Variants in GPC3 observed in about 807,000 individuals in gnomAD.
GPC3 encodes glypican 3.
Under a neutral mutation model 34.4 loss-of-function variants are expected in GPC3, and 3 were observed. That is an observed-to-expected ratio of 0.09 (90% CI 0.04 to 0.23). The LOEUF (loss-of-function observed/expected upper bound fraction) is 0.23, where lower values mean the gene tolerates loss of function less well. GPC3 is among the 10% of genes least tolerant of loss of function. GPC3 has a pLI of 1.00. For missense variants in GPC3, 351 were observed against 445.6 expected, an observed-to-expected ratio of 0.79 and a Z score of 1.91; for synonymous variants, 177 against 174.0, an observed-to-expected ratio of 1.02 and a Z score of -0.13.
At chrX:133,609,135 G>C (rs1377360147) in intron 6 of GPC3, among the ~76,000 whole-genome samples, 1 of 112,099 alleles carries the variant, frequency 8.9e-6, no homozygotes, top group African/African-American at 3.2e-5. Flanking sequence ...AAATGCTCAG[G>C]TCATTCTTTT....
In GPC3 at chrX:133,910,961, G is replaced by A. The variant is rs750116020; in HGVS notation, c.337+42089C>T. Among the ~76,000 whole-genome samples, 9 of 111,494 alleles carry A rather than the reference G, an allele frequency of 8.1e-5. No homozygotes were observed. The South Asian group carries it at 1.5e-3, about 19-fold the overall frequency. On this transcript the variant is annotated intron_variant, in intron 2 of 7. Transcript: ENST00000370818. ...TCCAGATGGAGTGATGCTTCCAAGC[G>A]ACCCTGTGTTCAACCTCACCTCCTC...
chrX:133,740,530 T>C, intron 3 of GPC3, among the ~76,000 whole-genome samples: 1 of 112,492 alleles, frequency 8.9e-6, no homozygotes, highest in Middle Eastern at 4.6e-3. Context: ...TCACAATTTT[T>C]TAAAAAAATA....
rs143150533 is a variant in GPC3 at position 133,634,761 on chromosome X, G to T, written c.1413+26969C>A. Reference sequence around the variant, plus strand: ...TGTTCCAAATTGGGTTGGGGTGATGGTTGCACAATTGTATAAATTCAGGAA... The same window carrying T: ...TGTTCCAAATTGGGTTGGGGTGATGTTTGCACAATTGTATAAATTCAGGAA... On this transcript the variant is annotated intron_variant, in intron 6 of 7. Coordinates refer to ENST00000370818, the MANE Select transcript of GPC3 (RefSeq NM_004484.4). Among the ~76,000 whole-genome samples the T allele has an allele frequency of 8.8e-3, 980 of 111,945 alleles. 14 individuals carry two copies. The highest frequency in any genetic ancestry group is 0.029 in the African/African-American group (889 of 30,806).
Position 133,962,840 on chromosome X carries a change from C to T in GPC3, c.176-9629G>A, listed in dbSNP as rs532329720. On this transcript the variant is annotated intron_variant, in intron 1 of 7. Coordinates refer to ENST00000370818, the MANE Select transcript of GPC3 (RefSeq NM_004484.4). Reference sequence around the variant, plus strand: ...GCCCAATCTAAGTGCTAGGTCCCTCCCCAACATGTATGAAATCACATCAGA... The same window carrying T: ...GCCCAATCTAAGTGCTAGGTCCCTCTCCAACATGTATGAAATCACATCAGA... Among the ~76,000 whole-genome samples the T allele has an allele frequency of 4.5e-5, 5 of 111,922 alleles. No homozygotes were observed. The South Asian group carries it at 1.9e-3, about 43-fold the overall frequency.
Position 133,753,668 on chromosome X carries a change from C to T in GPC3, c.846G>A (p.Met282Ile). 8.3e-7 allele frequency: 1 copy of T among 1,211,480 alleles called. No individual in the cohort carries two copies. Among genetic ancestry groups the T allele is most frequent in the Non-Finnish European group, 1.1e-6 (1 of 895,006 alleles). Residue 282 changes from methionine (M) to isoleucine (I), a missense_variant, in exon 3 of 8, where the codon ATG becomes ATA. Coordinates refer to ENST00000370818, the MANE Select transcript of GPC3 (RefSeq NM_004484.4). ...KPCGGYCNVV[M>I]QGCMAGVVEI... is the part of the protein sequence containing the mutation. ...CCACCACACCTGCCATACAGCCTTGCATGACCACATTGCAGTAACCGCCAC... is the reference window on the plus strand; with the variant it reads ...CCACCACACCTGCCATACAGCCTTGTATGACCACATTGCAGTAACCGCCAC...
chrX:133,661,061 C>T (rs1346481477), intron 6 of GPC3, among the ~76,000 whole-genome samples: 2 of 110,000 alleles, frequency 1.8e-5, no homozygotes, highest in African/African-American at 3.3e-5. Flanking sequence ...ACCAGCTACT[C>T]GGGAGGCTGA....
chrX:133,848,166 G>A (rs1241378342), intron 2 of GPC3, among the ~76,000 whole-genome samples: 1 of 111,965 alleles, frequency 8.9e-6, no homozygotes, highest in Non-Finnish European at 1.9e-5. Context: ...TTACAGCCAA[G>A]AATTCAAAAT....
Position 133,753,930 on chromosome X carries a change from T to C in GPC3, c.584A>G (p.Asn195Ser), listed in dbSNP as rs745317547. Residue 195 changes from asparagine to serine, a missense_variant, in exon 3 of 8, where the codon AAT becomes AGT. Transcript: ENST00000370818. Reference protein sequence around the residue: ...PGLPDSALDINECLRGARRDL... With the variant: ...PGLPDSALDISECLRGARRDL... The stretch of plus-strand genomic sequence containing the variant: ...ACGTCTTGCTCCTCGGAGGCACTCA[T>C]TGATGTCCAAGGCTGAATCAGGCAG... The C allele has an allele frequency of 9.1e-6, 11 of 1,209,584 alleles. No individual in the cohort carries two copies. The highest frequency in any genetic ancestry group is 8.7e-5 in the Admixed American group (4 of 45,771).
chrX:133,804,294 G>C (rs2075625310), intron 2 of GPC3, among the ~76,000 whole-genome samples: 1 of 111,326 alleles, frequency 9.0e-6, no homozygotes. Flanking sequence ...ATGGCCTGGG[G>C]AGCTTGTTAA....
At chrX:133,890,662 A>G (rs2076082462) in intron 2 of GPC3, among the ~76,000 whole-genome samples, 1 of 110,261 alleles carries the variant, frequency 9.1e-6, no homozygotes, top group Non-Finnish European at 1.9e-5. Context: ...GTTCGAGACC[A>G]GACTGCCCAA....
chrX:133,632,648 T>G (rs1185515569), intron 6 of GPC3, among the ~76,000 whole-genome samples: 1 of 111,909 alleles, frequency 8.9e-6, no homozygotes, highest in Non-Finnish European at 1.9e-5. Context: ...TCTCTTCCTT[T>G]TCGTAATTCT....
chrX:133,777,988 G>C (rs1001833708), intron 2 of GPC3, among the ~76,000 whole-genome samples: 11 of 112,121 alleles, frequency 9.8e-5, no homozygotes, highest in Non-Finnish European at 2.1e-4. Flanking sequence ...CCTTGAATAA[G>C]AACAAGTTAT....
At chrX:133,785,608 G>A (rs902802336) in intron 2 of GPC3, among the ~76,000 whole-genome samples, 1 of 112,086 alleles carries the variant, frequency 8.9e-6, no homozygotes, top group African/African-American at 3.2e-5. Flanking sequence ...CCTATTGTGT[G>A]CCAGGTACTG....
At chrX:133,583,225 T>C (rs974247428) in intron 7 of GPC3, among the ~76,000 whole-genome samples, 2 of 111,181 alleles carry the variant, frequency 1.8e-5, no homozygotes, top group Non-Finnish European at 3.8e-5. Flanking sequence ...TTTTGTTCTA[T>C]TTACATGTTT....
chrX:133,960,198 C>T (rs1465565131), intron 1 of GPC3, among the ~76,000 whole-genome samples: 2 of 109,915 alleles, frequency 1.8e-5, no homozygotes, highest in African/African-American at 3.3e-5. Context: ...GACCCTGGGG[C>T]GTAATAGCTT....
At chrX:133,639,752 T>C (rs1049322154) in intron 6 of GPC3, among the ~76,000 whole-genome samples, 3 of 111,990 alleles carry the variant, frequency 2.7e-5, no homozygotes, top group African/African-American at 9.7e-5. Context: ...TTGCAGACCA[T>C]TAAGAATGAG....
At chrX:133,670,463 T>C (rs950169980) in intron 5 of GPC3, among the ~76,000 whole-genome samples, 2 of 112,046 alleles carry the variant, frequency 1.8e-5, no homozygotes, top group African/African-American at 6.5e-5. Flanking sequence ...ATCAGAATGG[T>C]TCCAAGTGCT....
At position 133,545,776 on chromosome X, in the gene GPC3, C is replaced by T. The variant is rs139109355; in HGVS notation, c.1574-9483G>A. On this transcript the variant is annotated intron_variant, in intron 7 of 7. Coordinates refer to ENST00000370818, the MANE Select transcript of GPC3 (RefSeq NM_004484.4). ...TGCATAAACAACCTGTAACCAGATA[C>T]TCAAACAGATACTTGTATGCCAATG... Among the ~76,000 whole-genome samples, 4 of 111,637 alleles carry T rather than the reference C, an allele frequency of 3.6e-5. No individual in the cohort carries two copies. The East Asian group carries it at 1.1e-3, about 31-fold the overall frequency.
intron 6 of GPC3, among the ~76,000 whole-genome samples, chrX:133,603,283 G>A (rs1371200020): frequency 1.8e-5 from 2 of 109,422 alleles, no homozygotes; most frequent in Non-Finnish European, 3.8e-5. Context: ...GGCTGGTCTC[G>A]AACTCCTGGG....
Sources: gnomAD v4.1 joint callset for allele counts (sites outside exome capture counted in the v4.1 genomes callset) on GRCh38, gnomAD v4.1.1 for gene constraint, MANE v1.5 for transcripts, NCBI Gene and HGNC (gene_info 2026-07-23, HGNC 2026-07-21) for gene names.